ASH2L: variants seen among roughly 807,000 people sequenced by gnomAD.
ASH2L encodes set1/Ash2 histone methyltransferase complex subunit ASH2.
A neutral mutation model predicts 81.1 loss-of-function variants in ASH2L; 30 were observed. The ratio of observed to expected loss-of-function variants is 0.37; its 90% CI spans 0.28 to 0.50. The LOEUF (loss-of-function observed/expected upper bound fraction) is 0.50. ASH2L is among the 20% of genes least tolerant of loss of function. The probability of loss-of-function intolerance (pLI) is 0.95; values close to 1 mark genes in which losing one functional copy is unlikely to be tolerated. For synonymous variants in ASH2L, 273 were observed against 279.9 expected (o/e 0.98, Z 0.24); for missense variants, 559 against 792.1 (o/e 0.71, Z 3.53).
chr8:38,135,687 G>C lies in ASH2L; in HGVS notation c.1640G>C (p.Gly547Ala). The change falls in exon 14 of 16, where the codon GGT becomes GCT. Residue 547 changes from glycine (G) to alanine (A), a missense_variant. Physicochemically the swap from Gly to Ala is moderately conservative, Grantham distance 60. This residue lies in a region of ASH2L where 95 missense variants were observed against 130.7 expected (regional missense o/e 0.73). Transcript: ENST00000343823. ...TTTCAGATAATATTTTATAAAAATG[G>C]TGTCAATCAAGGTGTGGCTTACAAA... The part of the protein sequence containing the change: ...PHSEIIFYKN[G>A]VNQGVAYKDI... 6.2e-7 allele frequency: 1 copy of C among 1,611,080 alleles called. No individual in the cohort carries two copies. The highest frequency in any genetic ancestry group is 8.5e-7 in the Non-Finnish European group (1 of 1,177,978).
Position 38,106,387 on chromosome 8 carries a change from C to T in ASH2L, c.198C>T (p.Asn66=), listed in dbSNP as rs778175617. Residue 66 remains asparagine, a synonymous_variant, in exon 2 of 16, where the codon AAC becomes AAT. Transcript: ENST00000343823. ...TTTCATTATCTTATAGGGAGGCAAA[C>T]TTGGTCGATGTAAGCGGTGGCTTGG... The part of the protein sequence containing the change: ...SSGEAEGGEA[N]LVDVSGGLET... 2 of 1,613,854 alleles carry T rather than the reference C, an allele frequency of 1.2e-6. No homozygotes were observed. Among genetic ancestry groups the T allele is most frequent in the African/African-American group, 2.7e-5 (2 of 74,858 alleles).
At position 38,110,468 on chromosome 8, in the gene ASH2L, G is replaced by A; in HGVS notation, c.490+1G>A. On this transcript the variant is annotated splice_donor_variant, in intron 4 of 15. Transcript: ENST00000343823. LOFTEE classifies it high-confidence loss of function. ...ACCTATTTCCTCCGGAAGCAAGCAA[G>A]TAAGAACAAACTCTGGAGTATTTGA... is the stretch of plus-strand genomic sequence containing the variant. 1 of 1,610,454 alleles carries A rather than the reference G, an allele frequency of 6.2e-7. No individual in the cohort carries two copies. The highest frequency in any genetic ancestry group is 8.5e-7 in the Non-Finnish European group (1 of 1,176,734).
chr8:38,134,530 G>A (rs1802180821), intron 13 of ASH2L, among the ~76,000 whole-genome samples: 1 of 152,110 alleles, frequency 6.6e-6, no homozygotes, highest in African/African-American at 2.4e-5. Flanking sequence ...CCACTTCCGG[G>A]GTTGCTGGAA....
At position 38,105,659 on chromosome 8, in the gene ASH2L, G is replaced by A. The variant is rs1383354187; in HGVS notation, c.109G>A (p.Ala37Thr). 4.4e-6 allele frequency: 7 copies of A among 1,593,402 alleles called. No individual in the cohort carries two copies. In the African/African-American group the frequency reaches 5.4e-5, roughly 12 times the overall value. ...AGAGGGGGAGATGAAGCCGGTGGCA[G>A]CGGGAGCAGCCGCTCCTCCTGGAGA... ...AEEGEMKPVA[A>T]GAAAPPGEGI... Residue 37 changes from alanine to threonine, a missense_variant, in exon 1 of 16, where the codon GCG becomes ACG. Ala to Thr is a moderately conservative substitution (Grantham distance 58, BLOSUM62 0). Coordinates refer to ENST00000343823, the MANE Select transcript of ASH2L (RefSeq NM_004674.5).
chr8:38,114,615 CTTAAAA>C (rs1361238898), intron 6 of ASH2L: 2 of 392,982 alleles, frequency 5.1e-6, no homozygotes, highest in East Asian at 4.4e-5. Flanking sequence ...CAATATTGTC[CTTAAAA>C]TTAAAGAGAG....
intron 7 of ASH2L, 116 bp from the exon 8 acceptor site, chr8:38,116,534 G>GA (rs1372726498): frequency 6.4e-5 from 53 of 830,016 alleles, no homozygotes; most frequent in Non-Finnish European, 8.1e-5. Flanking sequence ...CCCCATCTCA[G>GA]AAAAAAAAGA....
chr8:38,111,964 C>G (rs1810700013), intron 5 of ASH2L, among the ~76,000 whole-genome samples: 1 of 152,146 alleles, frequency 6.6e-6, no homozygotes, highest in Admixed American at 6.6e-5. Flanking sequence ...CAGGATCACC[C>G]ATTACATTTA....
Position 38,133,554 on chromosome 8 carries a change from A to G in ASH2L, c.1620+8A>G, listed in dbSNP as rs1802144091. The G allele has an allele frequency of 5.0e-6, 8 of 1,591,310 alleles. No homozygotes were observed. The highest frequency in any genetic ancestry group is 6.0e-6 in the Non-Finnish European group (7 of 1,167,126). ...CAGACTCCCCATAGTGAGGTGAGTC[A>G]TGGCCATAAGAACATTAGAATCATA... On this transcript the variant is annotated splice_region_variant and intron_variant, in intron 13 of 15. Coordinates refer to ENST00000343823, the MANE Select transcript of ASH2L (RefSeq NM_004674.5).
intron 1 of ASH2L, chr8:38,105,974 C>T (rs1810408967): frequency 6.5e-7 from 1 of 1,527,948 alleles, no homozygotes; most frequent in Non-Finnish European, 8.7e-7. Context: ...CTGATCCTTG[C>T]ACCCTGGCAG....
Position 38,116,704 on chromosome 8 carries a change from T to C in ASH2L, c.832T>C (p.Ser278Pro). ...CAACCAAAAACAGAGCAGTGCTGTG[T>C]CTACTAGTGGGAATTTAAATGGTAA... ...YDNQKQSSAV[S>P]TSGNLNGGIA... The change falls in exon 8 of 16, where the codon TCT becomes CCT. Residue 278 changes from serine (S) to proline (P), a missense_variant. Coordinates refer to ENST00000343823, the MANE Select transcript of ASH2L (RefSeq NM_004674.5). 1 of 1,612,936 alleles carries C rather than the reference T, an allele frequency of 6.2e-7. No individual in the cohort carries two copies. The highest frequency in any genetic ancestry group is 1.1e-5 in the South Asian group (1 of 90,984).
In ASH2L at chr8:38,138,809, G is replaced by T. The variant is rs2275957; in HGVS notation, c.1720-7G>T. ...TTCCATGTCTGCTTGAATTGAATTC[G>T]CTCCAGGTTTCCATTAACTTTGGAC... is the stretch of plus-strand genomic sequence containing the variant. On this transcript the variant is annotated splice_region_variant and splice_polypyrimidine_tract_variant and intron_variant, in intron 14 of 15. Coordinates refer to ENST00000343823, the MANE Select transcript of ASH2L (RefSeq NM_004674.5). 3 of 1,612,084 alleles carry T rather than the reference G, an allele frequency of 1.9e-6. No homozygotes were observed. The Admixed American group carries it at 5.0e-5, about 27-fold the overall frequency.
chr8:38,124,145 C>G (rs1185514798), intron 10 of ASH2L: 1 of 151,860 alleles, frequency 6.6e-6, no homozygotes, highest in East Asian at 1.9e-4. Context: ...CCAGCCTTAT[C>G]TCCTTTTTTA....
chr8:38,131,505 A>T (rs80204469), intron 12 of ASH2L, among the ~76,000 whole-genome samples: 1 of 152,082 alleles, frequency 6.6e-6, no homozygotes, highest in East Asian at 1.9e-4. Context: ...AATTAGTTGG[A>T]TGTGATGGCA....
chr8:38,136,820 G>T (rs1482791532), intron 14 of ASH2L, among the ~76,000 whole-genome samples: 1 of 148,174 alleles, frequency 6.7e-6, no homozygotes, highest in East Asian at 2.0e-4. Context: ...GGCCAGTCGC[G>T]GTGGCTCATG....
In ASH2L at chr8:38,128,404, G is replaced by C. The variant is rs367673739; in HGVS notation, c.1279G>C (p.Val427Leu). The change falls in exon 11 of 16, where the codon GTG becomes CTG. Residue 427 changes from valine to leucine, a missense_variant. Val to Leu is a conservative substitution (Grantham distance 32). This residue lies in a region of ASH2L where 318 missense variants were observed against 527.0 expected (regional missense o/e 0.60). Transcript: ENST00000343823. ...RKGAWYFEITVDEMPPDTAAR... is the reference protein window; with the variant it reads ...RKGAWYFEITLDEMPPDTAAR... The stretch of plus-strand genomic sequence containing the variant: ...AGGTGCCTGGTATTTTGAAATCACT[G>C]TGGATGAGATGCCACCAGATACCGC... 1.2e-6 allele frequency: 2 copies of C among 1,614,056 alleles called. No individual in the cohort carries two copies. The highest frequency in any genetic ancestry group is 2.7e-5 in the African/African-American group (2 of 74,910).
chr8:38,132,032 A>G (rs1292854333), intron 12 of ASH2L, among the ~76,000 whole-genome samples: 1 of 152,162 alleles, frequency 6.6e-6, no homozygotes, highest in Non-Finnish European at 1.5e-5. Context: ...TATTTTTAGT[A>G]GAGACGGGGT....
intron 10 of ASH2L, among the ~76,000 whole-genome samples, chr8:38,125,044 CT>C (rs759954466): frequency 1.3e-5 from 2 of 152,134 alleles, no homozygotes; most frequent in Non-Finnish European, 2.9e-5. Flanking sequence ...TGAAAACTCA[CT>C]CACATCCCCA....
At chr8:38,137,224 A>T (rs1354009298) in intron 14 of ASH2L, among the ~76,000 whole-genome samples, 1 of 151,894 alleles carries the variant, frequency 6.6e-6, no homozygotes, top group African/African-American at 2.4e-5. Flanking sequence ...AACGTGGTGA[A>T]ACCCCATCTC....
chr8:38,120,804 T>C (rs1052504592), intron 9 of ASH2L, 128 bp from the exon 10 acceptor site: 1 of 712,254 alleles, frequency 1.4e-6, no homozygotes, highest in Non-Finnish European at 2.4e-6. Flanking sequence ...ATTTGAGTAA[T>C]GAGAAGTATT....
Sources: allele counts gnomAD v4.1 joint callset (sites outside exome capture counted in the v4.1 genomes callset), GRCh38; gene constraint gnomAD v4.1.1; regional missense constraint gnomAD v4.1.1; transcripts MANE v1.5; gene names NCBI Gene and HGNC (gene_info 2026-07-23, HGNC 2026-07-21).